Variants in GRIN2B observed in about 807,000 individuals in gnomAD.
GRIN2B encodes the protein glutamate ionotropic receptor NMDA type subunit 2B.
In GRIN2B, 5 loss-of-function variants were observed where a neutral mutation model predicts 114.5. The observed-to-expected ratio is 0.04, with a 90% CI of 0.02 to 0.09. The LOEUF (loss-of-function observed/expected upper bound fraction) is 0.09, where lower values mean the gene tolerates loss of function less well. Among genes scored for constraint, GRIN2B ranks in the 10% least tolerant of loss-of-function variants. The pLI is 1.00. For missense variants in GRIN2B, 1,108 were observed against 1,943.5 expected (o/e 0.57, Z 8.08); for synonymous variants, 787 against 745.1 (o/e 1.06, Z -0.92).
intron 10 of GRIN2B, among the ~76,000 whole-genome samples, chr12:13,591,535 A>G (rs1591626501): frequency 6.6e-6 from 1 of 152,216 alleles, no homozygotes; most frequent in Non-Finnish European, 1.5e-5. Flanking sequence ...TAGCCAGATC[A>G]CATAGCTTCT....
At chr12:13,651,381 C>A (rs1040546416) in intron 5 of GRIN2B, among the ~76,000 whole-genome samples, 3 of 151,786 alleles carry the variant, frequency 2.0e-5, no homozygotes, top group Non-Finnish European at 2.9e-5. Context: ...CCAGTGGGGA[C>A]AAGAATCTAG....
At chr12:13,569,147 C>T (rs1948676463) in intron 12 of GRIN2B, among the ~76,000 whole-genome samples, 1 of 152,124 alleles carries the variant, frequency 6.6e-6, no homozygotes, top group South Asian at 2.1e-4. Flanking sequence ...AGCCTGCAAC[C>T]CAGAAAAAGA....
intron 2 of GRIN2B, among the ~76,000 whole-genome samples, chr12:13,925,428 C>T (rs1866896101): frequency 6.6e-6 from 1 of 152,192 alleles, no homozygotes; most frequent in Non-Finnish European, 1.5e-5. Context: ...GGACAGCTGT[C>T]ATTTTTGAGA....
chr12:13,923,004 T>TA (rs1325248665), intron 2 of GRIN2B, among the ~76,000 whole-genome samples: 34 of 152,192 alleles, frequency 2.2e-4, no homozygotes, highest in African/African-American at 8.2e-4. Flanking sequence ...GGAAAAAAAA[T>TA]AAAAAACTAT....
At chr12:13,928,685 A>T (rs1866963340) in intron 2 of GRIN2B, among the ~76,000 whole-genome samples, 1 of 152,250 alleles carries the variant, frequency 6.6e-6, no homozygotes, top group Non-Finnish European at 1.5e-5. Context: ...ATGGAAGGTT[A>T]CACAATGACA....
In GRIN2B at chr12:13,545,747, C is replaced by G. The variant is rs745976155; in HGVS notation, c.*17036G>C. Reference sequence around the variant, plus strand: ...CTATGGCACTTTGTCCCTCCTCTCCCCTGCGGCCTAACTCCCAAATCCCCT... The same window carrying G: ...CTATGGCACTTTGTCCCTCCTCTCCGCTGCGGCCTAACTCCCAAATCCCCT... On this transcript the variant is annotated 3_prime_UTR_variant, in exon 14 of 14. Transcript: ENST00000609686. 1 of 152,154 alleles carries G rather than the reference C, an allele frequency of 6.6e-6. No homozygotes were observed. The highest frequency in any genetic ancestry group is 6.5e-5 in the Admixed American group (1 of 15,276). 9.4% of individuals were successfully genotyped at this position (152,154 alleles called of 1,614,324 possible).
intron 2 of GRIN2B, among the ~76,000 whole-genome samples, chr12:13,926,218 A>C (rs1457606863): frequency 1.3e-5 from 2 of 152,152 alleles, no homozygotes; most frequent in African/African-American, 4.8e-5. Context: ...GAACTACTAG[A>C]ATCCAGAATC....
At chr12:13,871,754 G>A (rs1420654889) in intron 2 of GRIN2B, among the ~76,000 whole-genome samples, 1 of 150,046 alleles carries the variant, frequency 6.7e-6, no homozygotes, top group African/African-American at 2.4e-5. Context: ...GCGAATGAAA[G>A]AGAAAATAAC....
chr12:13,926,124 C>T (rs778945447), intron 2 of GRIN2B, among the ~76,000 whole-genome samples: 7 of 151,868 alleles, frequency 4.6e-5, no homozygotes, highest in Non-Finnish European at 1.0e-4. Flanking sequence ...CACACTTAGA[C>T]CAAGGAGAAG....
chr12:13,850,824 T>C (rs952168614), intron 3 of GRIN2B, among the ~76,000 whole-genome samples: 4 of 152,186 alleles, frequency 2.6e-5, no homozygotes, highest in Non-Finnish European at 5.9e-5. Context: ...TTCACTGTCA[T>C]TTAGATAAGT....
At chr12:13,722,689 G>A (rs1862902793) in intron 4 of GRIN2B, among the ~76,000 whole-genome samples, 3 of 152,136 alleles carry the variant, frequency 2.0e-5, no homozygotes, top group Admixed American at 2.0e-4. Flanking sequence ...TGAAGTGGGA[G>A]AAAGTTAACA....
intron 2 of GRIN2B, among the ~76,000 whole-genome samples, chr12:13,922,667 T>C (rs543368198): frequency 6.6e-6 from 1 of 152,334 alleles, no homozygotes; most frequent in Admixed American, 6.5e-5. Flanking sequence ...GTTAATGATC[T>C]GGAAAAGAGA....
chr12:13,735,460 G>T (rs1378142169), intron 4 of GRIN2B, among the ~76,000 whole-genome samples: 2 of 152,154 alleles, frequency 1.3e-5, no homozygotes, highest in Non-Finnish European at 2.9e-5. Context: ...CTGTATTTGA[G>T]AAATTTTAAG....
chr12:13,976,134 C>G (rs575234689), intron 2 of GRIN2B, among the ~76,000 whole-genome samples: 123 of 152,374 alleles, frequency 8.1e-4, no homozygotes, highest in South Asian at 1.2e-3. Context: ...TATGCCTGCT[C>G]TTTCATCCCG....
chr12:13,830,495 A>T (rs1865126205), intron 3 of GRIN2B, among the ~76,000 whole-genome samples: 2 of 152,362 alleles, frequency 1.3e-5, no homozygotes, highest in South Asian at 4.1e-4. Context: ...AGAAAAAAAC[A>T]AATGTCCTAA....
Position 13,888,603 on chromosome 12 carries a change from G to A in GRIN2B, c.-18-22377C>T, listed in dbSNP as rs146295154. ...ACAAAAATTAGCCGGGTGTGGTGGT[G>A]CACTCCTGTGATCCCAGCTACTCGG... On this transcript the variant is annotated intron_variant, in intron 2 of 13. Transcript: ENST00000609686. Among the ~76,000 whole-genome samples, 135 of 151,818 alleles carry A rather than the reference G, an allele frequency of 8.9e-4. 1 individual carries two copies. The highest frequency in any genetic ancestry group is 1.8e-4 in the Non-Finnish European group (12 of 67,932).
chr12:13,664,911 G>A (rs1194676597), intron 5 of GRIN2B, among the ~76,000 whole-genome samples: 1 of 152,106 alleles, frequency 6.6e-6, no homozygotes, highest in African/African-American at 2.4e-5. Flanking sequence ...TCCAACAGAT[G>A]TCTGATCAAT....
chr12:13,628,718 CAGAA>C (rs1421939489), intron 5 of GRIN2B, among the ~76,000 whole-genome samples: 1 of 152,096 alleles, frequency 6.6e-6, no homozygotes. Flanking sequence ...ACAGAAGTAT[CAGAA>C]AGAAAGTAAT....
intron 5 of GRIN2B, among the ~76,000 whole-genome samples, chr12:13,671,192 G>T (rs1321897960): frequency 2.0e-5 from 3 of 152,082 alleles, no homozygotes; most frequent in Non-Finnish European, 4.4e-5. Context: ...CACAAGAAGG[G>T]TATTGACTAC....
Sources: allele counts gnomAD v4.1 joint callset (sites outside exome capture counted in the v4.1 genomes callset), GRCh38; gene constraint gnomAD v4.1.1; transcripts MANE v1.5; gene names NCBI Gene and HGNC (gene_info 2026-07-23, HGNC 2026-07-21).